PURG: variants seen among roughly 807,000 people sequenced by gnomAD.
PURG encodes purine rich element binding protein G, also known as purine-rich element-binding protein gamma.
PURG carries 3 observed loss-of-function variants against 24.3 expected under a neutral mutation model. The observed-to-expected ratio is 0.12, with a 90% CI of 0.06 to 0.32. The LOEUF is 0.32. PURG is among the 10% of genes least tolerant of loss of function. The pLI, the probability that PURG is intolerant of heterozygous loss-of-function variation, is 1.00. For synonymous variants in PURG, 180 were observed against 173.1 expected (o/e 1.04, Z -0.31); for missense variants, 371 against 439.1 (o/e 0.84, Z 1.39).
intron 1 of PURG, among the ~76,000 whole-genome samples, chr8:31,013,983 C>T (rs190345377): frequency 6.6e-6 from 1 of 152,104 alleles, no homozygotes; most frequent in Non-Finnish European, 1.5e-5. Flanking sequence ...AACTCCTTCA[C>T]TAAATCTTTT....
At chr8:31,008,390 G>A (rs1314623056) in intron 1 of PURG, among the ~76,000 whole-genome samples, 1 of 152,106 alleles carries the variant, frequency 6.6e-6, no homozygotes, top group African/African-American at 2.4e-5. Context: ...TGCAACCTCC[G>A]CCTCCTGGGT....
intron 1 of PURG, among the ~76,000 whole-genome samples, chr8:30,998,590 T>C (rs1329558520): frequency 2.0e-5 from 3 of 151,870 alleles, no homozygotes; most frequent in African/African-American, 7.2e-5. Context: ...GGTATTAATA[T>C]ATTTTTATAA....
intron 1 of PURG, among the ~76,000 whole-genome samples, chr8:31,021,863 C>A (rs1447117576): frequency 3.3e-5 from 5 of 152,042 alleles, no homozygotes; most frequent in African/African-American, 1.2e-4. Context: ...GGTCCATAAG[C>A]AATAGTTATT....
intron 1 of PURG, among the ~76,000 whole-genome samples, chr8:31,010,487 G>A (rs1179187092): frequency 6.6e-6 from 1 of 152,180 alleles, no homozygotes; most frequent in African/African-American, 2.4e-5. Context: ...AAGATGTGAT[G>A]AAAGCAACAA....
intron 1 of PURG, among the ~76,000 whole-genome samples, chr8:31,018,205 TTA>T (rs1212065282): frequency 6.6e-6 from 1 of 152,248 alleles, no homozygotes; most frequent in African/African-American, 2.4e-5. Context: ...TTTCTTTTCT[TTA>T]TATGTTTTCA....
In PURG at chr8:31,003,711, G is replaced by A. The variant is rs113623225; in HGVS notation, c.865-7014C>T. ...TGGGAAGTGGAGGTTGCAATGACCC[G>A]AGATCGCCCCACTGCAATCCAGCCT... On this transcript the variant is annotated intron_variant, in intron 1 of 1. Transcript: ENST00000339382. Among the ~76,000 whole-genome samples, 344 of 151,970 alleles carry A rather than the reference G, an allele frequency of 2.3e-3. 1 individual carries two copies. The highest frequency in any genetic ancestry group is 7.6e-3 in the African/African-American group (314 of 41,448).
exon 2 of PURG, chr8:30,995,921 C>G (rs1810419691): frequency 6.6e-6 from 1 of 151,982 alleles, no homozygotes; most frequent in Admixed American, 6.6e-5. Context: ...AAGCTTTGTT[C>G]AGCATGTGTG....
At chr8:31,020,452 T>A (rs547723963) in intron 1 of PURG, among the ~76,000 whole-genome samples, 7 of 152,296 alleles carry the variant, frequency 4.6e-5, no homozygotes, top group African/African-American at 1.7e-4. Flanking sequence ...ATTGTTCACT[T>A]TTCTTTACCA....
rs771463137 is a variant in PURG at position 31,019,327 on chromosome 8, A to ATT, written c.864+12590_864+12591dup. ...TGAGTGTTCAGGTGAAACACCTCTAATTTTTTTTTTTTTTTTTTTTTTTTT... is the reference window on the plus strand; with the variant it reads ...TGAGTGTTCAGGTGAAACACCTCTAATTTTTTTTTTTTTTTTTTTTTTTTTTT... On this transcript the variant is annotated intron_variant, in intron 1 of 1. Transcript: ENST00000339382. Among the ~76,000 whole-genome samples, 715 of 78,920 alleles carry ATT rather than the reference A, an allele frequency of 9.1e-3. 27 individuals carry two copies. The highest frequency in any genetic ancestry group is 0.011 in the African/African-American group (225 of 19,838). The allele number at this position is 78,920 out of a possible 152,430, so 51.8% of individuals were successfully genotyped here.
In PURG at chr8:31,032,055, T is replaced by C; in HGVS notation, c.728A>G (p.Tyr243Cys). Residue 243 changes from tyrosine (Y) to cysteine (C), a missense_variant, in exon 2 of 2, where the codon TAT becomes TGT. Transcript: ENST00000523392. The surrounding 1 kb of genome is among the most constrained non-coding windows in gnomAD (Gnocchi z 5.9). ...RDALVQLIED[Y>C]GEGDIEERRG... Reference sequence around the variant, plus strand: ...TCGTTCTTCTATGTCTCCTTCGCCATAGTCTTCAATCAGCTGAACCAAGGC... The same window carrying C: ...TCGTTCTTCTATGTCTCCTTCGCCACAGTCTTCAATCAGCTGAACCAAGGC... 5.0e-6 allele frequency: 8 copies of C among 1,614,210 alleles called. No individual in the cohort carries two copies. The highest frequency in any genetic ancestry group is 5.9e-6 in the Non-Finnish European group (7 of 1,180,032).
At chr8:31,006,428 T>C (rs567420711) in intron 1 of PURG, among the ~76,000 whole-genome samples, 3 of 152,234 alleles carry the variant, frequency 2.0e-5, no homozygotes, top group Admixed American at 2.0e-4. Flanking sequence ...ACCCTGTCTC[T>C]ACTAAAAATA....
At chr8:30,996,594 T>G (rs565642839) in exon 2 of PURG, 1 of 1,599,798 alleles carries the variant, frequency 6.3e-7, no homozygotes, top group East Asian at 2.2e-5. Flanking sequence ...ATTTATTCCT[T>G]ATTCCTCAAC....
chr8:31,032,179 T>C lies in PURG; in HGVS notation c.604A>G (p.Met202Val), dbSNP rs374671334. The C allele has an allele frequency of 4.4e-5, 71 of 1,614,078 alleles. No individual in the cohort carries two copies. The highest frequency in any genetic ancestry group is 5.5e-5 in the Non-Finnish European group (65 of 1,180,028). ...CCTATCATGCCAGTCCCCCGCATCA[T>C]GGTTTGTCTAATCCGTAGGAAGCGA... ...RGRFLRIRQT[M>V]MRGTGMIGYF... Residue 202 changes from methionine to valine, a missense_variant, in exon 2 of 2, where the codon ATG becomes GTG. By Grantham distance (21) the Met-to-Val change is conservative. Transcript: ENST00000523392. This position sits in a 1 kb window ranked among gnomAD's most constrained non-coding sequence, Gnocchi z 5.9.
At chr8:31,007,452 G>A (rs1172505144) in intron 1 of PURG, among the ~76,000 whole-genome samples, 1 of 152,052 alleles carries the variant, frequency 6.6e-6, no homozygotes, top group Admixed American at 6.5e-5. Context: ...TTTTCAACTT[G>A]AAAATAAAGA....
In PURG at chr8:31,032,508, A is replaced by T; in HGVS notation, c.275T>A (p.Ile92Lys). The change falls in exon 2 of 2, where the codon ATA becomes AAA. Residue 92 changes from isoleucine (I) to lysine (K), a missense_variant. Ile to Lys is a moderately radical substitution (Grantham distance 102). Transcript: ENST00000523392. This position sits in a 1 kb window ranked among gnomAD's most constrained non-coding sequence, Gnocchi z 5.9. ...GRFLKIAEVW[I>K]GRGRQDNIRK... ...GATGTTGTCCTGCCGGCCTCTCCCTATCCAGACTTCGGCTATCTTTAGGAA... is the reference window on the plus strand; with the variant it reads ...GATGTTGTCCTGCCGGCCTCTCCCTTTCCAGACTTCGGCTATCTTTAGGAA... The T allele has an allele frequency of 1.2e-6, 2 of 1,614,234 alleles. No individual in the cohort carries two copies. The highest frequency in any genetic ancestry group is 1.7e-6 in the Non-Finnish European group (2 of 1,180,048).
downstream of PURG, among the ~76,000 whole-genome samples, chr8:31,027,840 A>G (rs1353188864): frequency 6.6e-6 from 1 of 151,670 alleles, no homozygotes; most frequent in Admixed American, 6.6e-5. Flanking sequence ...TAAATCCCCC[A>G]ATACCCTTTT....
At chr8:30,999,383 C>G (rs553177495) in intron 1 of PURG, among the ~76,000 whole-genome samples, 17 of 151,922 alleles carry the variant, frequency 1.1e-4, no homozygotes, top group South Asian at 2.1e-4. Flanking sequence ...CTTCTGGTTA[C>G]CACTGGATTA....
In PURG at chr8:31,032,324, C is replaced by T. The variant is rs758157265; in HGVS notation, c.459G>A (p.Ser153=). 10 of 1,612,792 alleles carry T rather than the reference C, an allele frequency of 6.2e-6. No homozygotes were observed. Among genetic ancestry groups the T allele is most frequent in the Non-Finnish European group, 8.5e-6 (10 of 1,180,010 alleles). ...EQGSRRRQKH[S]APSPPVSVGS... is the part of the protein sequence containing the mutation. ...CCACCGAGACTGGTGGGGAGGGTGC[C>T]GAGTGCTTCTGCCTCCTTCTGGAGC... Residue 153 remains serine (S), a synonymous_variant, in exon 2 of 2, where the codon TCG becomes TCA. Coordinates refer to ENST00000523392, the MANE Select transcript of PURG (RefSeq NM_001323311.2). This position sits in a 1 kb window ranked among gnomAD's most constrained non-coding sequence, Gnocchi z 5.9.
exon 2 of PURG, chr8:30,995,916 T>G (rs1389814424): frequency 6.6e-6 from 1 of 152,020 alleles, no homozygotes; most frequent in East Asian, 1.9e-4. Context: ...ACTTCAAGCT[T>G]TGTTCAGCAT....
Sources: gnomAD v4.1 joint callset for allele counts (sites outside exome capture counted in the v4.1 genomes callset) on GRCh38, gnomAD v4.1.1 for gene constraint, Gnocchi (gnomAD v3.1) non-coding constraint, MANE v1.5 for transcripts, NCBI Gene and HGNC (gene_info 2026-07-23, HGNC 2026-07-21) for gene names.